The following NTM variants were observed in gnomAD, a reference collection of about 807,000 sequenced individuals.
NTM encodes neurotrimin.
Under a neutral mutation model 42.1 loss-of-function variants are expected in NTM, and 13 were observed. That is an observed-to-expected ratio of 0.31 (90% CI 0.20 to 0.49). NTM has a LOEUF of 0.49. Ranked by LOEUF, NTM falls within the 20% of genes least tolerant of loss-of-function variation. The probability of loss-of-function intolerance (pLI) is 0.99; values close to 1 mark genes in which losing one functional copy is unlikely to be tolerated. For missense variants in NTM, 373 were observed against 452.8 expected, an observed-to-expected ratio of 0.82 and a Z score of 1.60; for synonymous variants, 187 against 179.2, an observed-to-expected ratio of 1.04 and a Z score of -0.35.
At chr11:131,946,617 T>A (rs1193793002) in intron 2 of NTM, among the ~76,000 whole-genome samples, 1 of 152,210 alleles carries the variant, frequency 6.6e-6, no homozygotes, top group Non-Finnish European at 1.5e-5. Flanking sequence ...CCACAGGTTG[T>A]CATGGATTTT....
intron 2 of NTM, among the ~76,000 whole-genome samples, chr11:132,026,186 A>G (rs1423540928): frequency 6.6e-6 from 1 of 152,216 alleles, no homozygotes; most frequent in Non-Finnish European, 1.5e-5. Flanking sequence ...GCTCATAATT[A>G]TTATAATTAT....
intron 2 of NTM, among the ~76,000 whole-genome samples, chr11:132,071,425 C>T (rs914017775): frequency 1.3e-5 from 2 of 152,224 alleles, no homozygotes; most frequent in Non-Finnish European, 2.9e-5. Flanking sequence ...GTCACACTGA[C>T]CACCACCGTG....
chr11:131,912,489 G>C (rs2055368886), intron 2 of NTM, among the ~76,000 whole-genome samples: 1 of 152,198 alleles, frequency 6.6e-6, no homozygotes, highest in Admixed American at 6.5e-5. Context: ...TACCTTGCCT[G>C]CAGAAACGCT....
At chr11:132,047,046 C>A (rs1183855172) in intron 2 of NTM, among the ~76,000 whole-genome samples, 2 of 152,202 alleles carry the variant, frequency 1.3e-5, no homozygotes, top group African/African-American at 4.8e-5. Context: ...AGATCATTTC[C>A]TGTTCATGGT....
intron 1 of NTM, among the ~76,000 whole-genome samples, chr11:131,722,830 A>G (rs1016286021): frequency 6.6e-6 from 1 of 152,212 alleles, no homozygotes; most frequent in Non-Finnish European, 1.5e-5. Flanking sequence ...TTTGATCTCT[A>G]ACTTTCCCAA....
Position 131,476,384 on chromosome 11 carries a change from G to A in NTM, c.82+105496G>A, listed in dbSNP as rs558973786. ...AGCTAATCATGTACCTGGGCCCTGT[G>A]GCCATGCTTAGGATTGGAGAAGGTC... On this transcript the variant is annotated intron_variant, in intron 1 of 8. Transcript: ENST00000683400. 1.1e-4 allele frequency among the ~76,000 whole-genome samples: 17 copies of A among 152,288 alleles called. No individual in the cohort carries two copies. The East Asian group carries it at 2.9e-3, about 26-fold the overall frequency.
chr11:131,372,515 C>G (rs928232073), intron 1 of NTM, among the ~76,000 whole-genome samples: 1 of 151,994 alleles, frequency 6.6e-6, no homozygotes, highest in African/African-American at 2.4e-5. Context: ...AGTGGGGAAG[C>G]TGAGTTCAGG....
chr11:131,660,984 G>C, intron 1 of NTM: 3 of 1,303,968 alleles, frequency 2.3e-6, no homozygotes, highest in Non-Finnish European at 3.0e-6. Context: ...TTTTTAAAGT[G>C]GAAAAAAAAA....
intron 4 of NTM, among the ~76,000 whole-genome samples, chr11:132,229,697 T>C (rs773280646): frequency 3.0e-4 from 45 of 152,164 alleles, no homozygotes; most frequent in Admixed American, 5.2e-4. Flanking sequence ...ATTCAGAAGC[T>C]AGTGTTTTGT....
intron 1 of NTM, among the ~76,000 whole-genome samples, chr11:131,686,344 T>G (rs2073870964): frequency 6.6e-6 from 1 of 152,232 alleles, no homozygotes; most frequent in African/African-American, 2.4e-5. Flanking sequence ...TAACATGGAT[T>G]TTGCATGTTA....
chr11:131,933,205 G>A (rs2058826564), intron 2 of NTM, among the ~76,000 whole-genome samples: 1 of 152,208 alleles, frequency 6.6e-6, no homozygotes, highest in African/African-American at 2.4e-5. Context: ...CTGCCAATTG[G>A]CTCCTGGTCC....
intron 1 of NTM, among the ~76,000 whole-genome samples, chr11:131,390,730 G>A (rs1943896342): frequency 6.6e-6 from 1 of 152,146 alleles, no homozygotes. Context: ...TGTGGTCCCT[G>A]GCTGGCAGCA....
chr11:131,725,910 C>G (rs537089828), intron 1 of NTM, among the ~76,000 whole-genome samples: 1 of 152,124 alleles, frequency 6.6e-6, no homozygotes, highest in Non-Finnish European at 1.5e-5. Context: ...TCGCTAGATT[C>G]AGTGGGTCTA....
At chr11:132,010,852 T>G (rs1324001800) in intron 2 of NTM, among the ~76,000 whole-genome samples, 1 of 152,048 alleles carries the variant, frequency 6.6e-6, no homozygotes, top group East Asian at 1.9e-4. Flanking sequence ...GGAAGTATCA[T>G]TTATTGGTGC....
chr11:131,816,182 G>T (rs1190453390), intron 1 of NTM, among the ~76,000 whole-genome samples: 1 of 152,122 alleles, frequency 6.6e-6, no homozygotes, highest in Non-Finnish European at 1.5e-5. Context: ...ATTTGTTCTG[G>T]ATCACACCAA....
rs558292292 is a variant in NTM at position 131,640,431 on chromosome 11, G to A, written c.82+269543G>A. ...AGCCCAGGGAGGACTCATTCCTCCC[G>A]TCAGAGGCTTCCTGCAGGCTCTCAT... is the stretch of plus-strand genomic sequence containing the variant. On this transcript the variant is annotated intron_variant, in intron 1 of 8. Transcript: ENST00000683400. 1.4e-3 allele frequency among the ~76,000 whole-genome samples: 217 copies of A among 152,278 alleles called. 3 individuals carry two copies. The highest frequency in any genetic ancestry group is 5.0e-3 in the African/African-American group (208 of 41,566).
At chr11:131,421,463 T>C (rs1947513433) in intron 1 of NTM, among the ~76,000 whole-genome samples, 2 of 152,170 alleles carry the variant, frequency 1.3e-5, no homozygotes, top group Admixed American at 6.5e-5. Context: ...TTTTCCCACA[T>C]AGACTCTTTT....
At chr11:131,526,889 C>T (rs2050560324) in intron 1 of NTM, among the ~76,000 whole-genome samples, 1 of 152,232 alleles carries the variant, frequency 6.6e-6, no homozygotes, top group Non-Finnish European at 1.5e-5. Flanking sequence ...ATACTTCTCT[C>T]CATACACAAA....
chr11:131,914,685 C>T (rs1338779178), intron 2 of NTM, among the ~76,000 whole-genome samples: 2 of 152,178 alleles, frequency 1.3e-5, no homozygotes, highest in Non-Finnish European at 2.9e-5. Flanking sequence ...GCACTGACAG[C>T]CTGAAAAGAA....
Sources: allele counts gnomAD v4.1 joint callset (sites outside exome capture counted in the v4.1 genomes callset), GRCh38; gene constraint gnomAD v4.1.1; transcripts MANE v1.5; gene names NCBI Gene and HGNC (gene_info 2026-07-23, HGNC 2026-07-21).